TFF1: variants seen among roughly 807,000 people sequenced by gnomAD.
The protein encoded by TFF1 is trefoil factor 1.
Under a neutral mutation model 7.7 loss-of-function variants are expected in TFF1, and 8 were observed. The observed-to-expected ratio is 1.04, with a 90% CI of 0.61 to 1.87. The LOEUF is 1.87. TFF1 is among the 40% of genes most tolerant of loss of function. TFF1 has a pLI of 0.00. For missense variants in TFF1, 120 were observed against 113.4 expected, an observed-to-expected ratio of 1.06 and a Z score of -0.26; for synonymous variants, 47 against 44.8, an observed-to-expected ratio of 1.05 and a Z score of -0.19.
Position 42,362,495 on chromosome 21 carries a change from T to C in TFF1, c.239A>G (p.Glu80Gly). ...YPNTIDVPPE[E>G]ECEF Reference sequence around the variant, plus strand: ...CAGAAGTGTCTAAAATTCACACTCCTCTACAGGGGTGAGGGGGAGGGAGAA... The same window carrying C: ...CAGAAGTGTCTAAAATTCACACTCCCCTACAGGGGTGAGGGGGAGGGAGAA... The change falls in exon 3 of 3, where the codon GAG becomes GGG. Residue 80 changes from glutamate to glycine, a missense_variant and splice_region_variant. By Grantham distance (98) the Glu-to-Gly change is moderately conservative. Transcript: ENST00000291527. 1.3e-6 allele frequency: 2 copies of C among 1,583,620 alleles called. No homozygotes were observed. The highest frequency in any genetic ancestry group is 8.6e-7 in the Non-Finnish European group (1 of 1,165,336).
chr21:42,366,332 T>G, intron 1 of TFF1, 79 bp downstream of exon 1: 3 of 1,105,136 alleles, frequency 2.7e-6, no homozygotes, highest in Non-Finnish European at 3.9e-6. Context: ...CTCAAAAATA[T>G]GTATGTAAAA....
chr21:42,363,524 G>A (rs559617226), intron 1 of TFF1, 117 bp from the exon 2 acceptor site: 2 of 1,292,272 alleles, frequency 1.5e-6, no homozygotes, highest in African/African-American at 3.0e-5. Context: ...CAGTGAGGCG[G>A]ATATAAAACC....
At position 42,364,305 on chromosome 21, in the gene TFF1, C is replaced by T. The variant is rs117091392; in HGVS notation, c.86-898G>A. ...GAGGTTCACCAGGTGAAGATGGAGC[C>T]GCATGGGCAAAGGCCATTCCAGAGA... On this transcript the variant is annotated intron_variant, in intron 1 of 2. Coordinates refer to ENST00000291527, the MANE Select transcript of TFF1 (RefSeq NM_003225.3). Among the ~76,000 whole-genome samples, 839 of 152,088 alleles carry T rather than the reference C, an allele frequency of 5.5e-3. 4 individuals are homozygous for T. Among genetic ancestry groups the T allele is most frequent in the Admixed American group, 9.7e-3 (149 of 15,284 alleles).
intron 1 of TFF1, among the ~76,000 whole-genome samples, chr21:42,366,010 C>T (rs992393694): frequency 2.0e-5 from 3 of 152,268 alleles, no homozygotes; most frequent in East Asian, 3.9e-4. Context: ...TCACTGGGAC[C>T]GGCATTTGGG....
At position 42,362,360 on chromosome 21, in the gene TFF1, G is replaced by T; in HGVS notation, c.*119C>A. 8.5e-7 allele frequency: 1 copy of T among 1,183,258 alleles called. No individual in the cohort carries two copies. Among genetic ancestry groups the T allele is most frequent in the Non-Finnish European group, 1.2e-6 (1 of 841,810 alleles). 73.3% of individuals were successfully genotyped at this position (1,183,258 alleles called of 1,614,324 possible). A position where few individuals can be genotyped will look rare whatever the true frequency, so the allele number is the denominator to read the frequency against. On this transcript the variant is annotated 3_prime_UTR_variant, in exon 3 of 3. Coordinates refer to ENST00000291527, the MANE Select transcript of TFF1 (RefSeq NM_003225.3). Reference sequence around the variant, plus strand: ...GCAGTCAATCTGTGTTGTGAGCCGAGGCACAGCTGCAGAAGCGTGTCTGAG... The same window carrying T: ...GCAGTCAATCTGTGTTGTGAGCCGATGCACAGCTGCAGAAGCGTGTCTGAG...
Position 42,366,279 on chromosome 21 carries a change from A to G in TFF1, c.85+132T>C, listed in dbSNP as rs1437299030. ...CTTTTGCCGATCCTGTAAATTGGAT[A>G]TACTTTTAAGGGCCTAGAACAGCAC... On this transcript the variant is annotated intron_variant, in intron 1 of 2. Coordinates refer to ENST00000291527, the MANE Select transcript of TFF1 (RefSeq NM_003225.3). The G allele has an allele frequency of 4.9e-6, 3 of 607,542 alleles. No individual in the cohort carries two copies. In the Admixed American group the frequency reaches 9.5e-5, roughly 19 times the overall value. 37.6% of individuals were successfully genotyped at this position (607,542 alleles called of 1,614,324 possible). A position where few individuals can be genotyped will look rare whatever the true frequency, so the allele number is the denominator to read the frequency against.
Position 42,363,337 on chromosome 21 carries a change from T to G in TFF1, c.156A>C (p.Ala52=). Residue 52 remains alanine (A), a synonymous_variant, in exon 2 of 3, where the codon GCA becomes GCC. Transcript: ENST00000291527. ...GFPGVTPSQC[A]NKGCCFDDTV... is the part of the protein sequence containing the mutation. ...TGTCGTCGAAACAGCAGCCCTTATTTGCACACTGGGAGGGCGTGACACCAG... is the reference window on the plus strand; with the variant it reads ...TGTCGTCGAAACAGCAGCCCTTATTGGCACACTGGGAGGGCGTGACACCAG... The G allele has an allele frequency of 6.2e-7, 1 of 1,614,152 alleles. No individual in the cohort carries two copies. Among genetic ancestry groups the G allele is most frequent in the South Asian group, 1.1e-5 (1 of 91,072 alleles).
chr21:42,363,206 T>C (rs374092432), intron 2 of TFF1, 49 bp downstream of exon 2: 135 of 1,612,574 alleles, frequency 8.4e-5, no homozygotes, highest in Non-Finnish European at 1.1e-4. Context: ...TAAATGACTT[T>C]TCTAACTAAT....
chr21:42,364,349 G>A (rs895737794), intron 1 of TFF1, among the ~76,000 whole-genome samples: 9 of 152,148 alleles, frequency 5.9e-5, no homozygotes, highest in African/African-American at 2.2e-4. Context: ...TGTTCAGGAG[G>A]TGGAAACCCA....
chr21:42,364,558 C>T (rs988166079), intron 1 of TFF1, among the ~76,000 whole-genome samples: 9 of 152,174 alleles, frequency 5.9e-5, no homozygotes, highest in South Asian at 2.1e-4. Flanking sequence ...CTCTGAGCTC[C>T]GCGGAATCAA....
intron 1 of TFF1, 47 bp from the exon 2 acceptor site, chr21:42,363,454 C>G: frequency 6.3e-7 from 1 of 1,588,628 alleles, no homozygotes; most frequent in South Asian, 1.2e-5. Context: ...GGCTGAATTC[C>G]TTGATGTTAT....
rs552007710 is a variant in TFF1, at chr21:42,363,140, G to C, written c.238+115C>G. 413 of 1,385,078 alleles carry C rather than the reference G, an allele frequency of 3.0e-4. 1 individual carries two copies. The highest frequency in any genetic ancestry group is 3.9e-4 in the Non-Finnish European group (392 of 1,003,542). The allele number at this position is 1,385,078 out of a possible 1,614,324, so 85.8% of individuals were successfully genotyped here. A position where few individuals can be genotyped will look rare whatever the true frequency, so the allele number is the denominator to read the frequency against. On this transcript the variant is annotated intron_variant, in intron 2 of 2. Transcript: ENST00000291527. ...CTACCCCATTGCACCACCACTGGCG[G>C]CCGTGACTCTGTGTAAAGGCATAGC... is the stretch of plus-strand genomic sequence containing the variant.
intron 2 of TFF1, 126 bp downstream of exon 2, chr21:42,363,129 C>T: frequency 1.6e-6 from 2 of 1,269,360 alleles, no homozygotes; most frequent in Non-Finnish European, 2.2e-6. Flanking sequence ...CCCATTGCAC[C>T]ACCACTGGCG....
rs2052280582 is a variant in TFF1 at position 42,366,480 on chromosome 21, T to C, written c.16A>G (p.Asn6Asp). Residue 6 changes from asparagine (N) to aspartate (D), a missense_variant, in exon 1 of 3, where the codon AAC (asparagine) becomes GAC (aspartate). Transcript: ENST00000291527. MATME[N>D]KVICALVLVS... ...AGGACCAGGGCGCAGATCACCTTGT[T>C]CTCCATGGTGGCCATTGCCTCCTCT... 6.2e-7 allele frequency: 1 copy of C among 1,611,986 alleles called. No individual in the cohort carries two copies. Among genetic ancestry groups the C allele is most frequent in the Non-Finnish European group, 8.5e-7 (1 of 1,178,626 alleles).
At chr21:42,363,543 A>G in intron 1 of TFF1, 136 bp from the exon 2 acceptor site, 2 of 1,130,060 alleles carry the variant, frequency 1.8e-6, no homozygotes, top group Non-Finnish European at 2.4e-6. Flanking sequence ...CCCTCAGGAC[A>G]TGAGAGGGAG....
rs1178304028 is a variant in TFF1, at chr21:42,362,298, T to C, written c.*181A>G. ...CAGCACAGATTAATATCGATCTCTT[T>C]TAATTTTTAGGCCAATTTTGAGTAG... is the stretch of plus-strand genomic sequence containing the variant. On this transcript the variant is annotated 3_prime_UTR_variant, in exon 3 of 3. Transcript: ENST00000291527. 1.6e-6 allele frequency: 1 copy of C among 640,888 alleles called. No homozygotes were observed. The highest frequency in any genetic ancestry group is 1.9e-5 in the African/African-American group (1 of 52,676). The allele number at this position is 640,888 out of a possible 1,614,324, so 39.7% of individuals were successfully genotyped here.
chr21:42,365,605 C>T (rs924169595), intron 1 of TFF1, among the ~76,000 whole-genome samples: 5 of 152,152 alleles, frequency 3.3e-5, no homozygotes, highest in Non-Finnish European at 7.4e-5. Context: ...TTTCTCCTGC[C>T]CCCACCTTGA....
intron 1 of TFF1, among the ~76,000 whole-genome samples, chr21:42,364,915 C>A (rs929822031): frequency 6.6e-6 from 1 of 152,114 alleles, no homozygotes; most frequent in African/African-American, 2.4e-5. Flanking sequence ...TCATCGCCCA[C>A]CCCCGGGACA....
intron 1 of TFF1, among the ~76,000 whole-genome samples, 182 bp from the exon 2 acceptor site, chr21:42,363,589 C>A (rs1415172038): frequency 6.6e-6 from 1 of 152,218 alleles, no homozygotes; most frequent in Non-Finnish European, 1.5e-5. Context: ...AAACATTACG[C>A]TCAGGGAAAA....
Sources: allele counts gnomAD v4.1 joint callset (sites outside exome capture counted in the v4.1 genomes callset), GRCh38; gene constraint gnomAD v4.1.1; transcripts MANE v1.5; gene names NCBI Gene and HGNC (gene_info 2026-07-23, HGNC 2026-07-21).